The following GPATCH1 variants were observed in gnomAD, a reference collection of about 807,000 sequenced individuals.
The protein encoded by GPATCH1 is G-patch domain containing 1, also known as G patch domain-containing protein 1.
In GPATCH1, 73 loss-of-function variants were observed where a neutral mutation model predicts 114.9. That is an observed-to-expected ratio of 0.64 (90% CI 0.53 to 0.77). The LOEUF is 0.77. Among genes scored for constraint, GPATCH1 ranks in the 30% least tolerant of loss-of-function variants. The pLI, the probability that GPATCH1 is intolerant of heterozygous loss-of-function variation, is 0.00. For synonymous variants in GPATCH1, 391 were observed against 428.4 expected, an observed-to-expected ratio of 0.91 and a Z score of 1.08; for missense variants, 1,058 against 1,144.3, an observed-to-expected ratio of 0.92 and a Z score of 1.09.
At chr19:33,121,316 TTTTC>T (rs1395006084) in intron 17 of GPATCH1, among the ~76,000 whole-genome samples, 2,274 of 138,290 alleles carry the variant, frequency 0.016, 68 homozygotes, top group African/African-American at 0.062. Flanking sequence ...TTTTCTTTTC[TTTTC>T]TTTTTTTTTT....
At position 33,093,406 on chromosome 19, in the gene GPATCH1, C is replaced by T. The variant is rs769355754; in HGVS notation, c.342C>T (p.Asp114=). 40 of 1,612,998 alleles carry T rather than the reference C, an allele frequency of 2.5e-5. No homozygotes were observed. The highest frequency in any genetic ancestry group is 1.2e-4 in the South Asian group (11 of 91,066). Residue 114 remains aspartate, a synonymous_variant, in exon 4 of 20, where the codon GAC becomes GAT. Transcript: ENST00000170564. The part of the protein sequence containing the change: ...GIAPKAIVTT[D]DFASKTKDRI... ...CACCTAAAGCGATTGTCACCACAGA[C>T]GATTTTGCCTCCAAAACCAAAGACA...
chr19:33,122,353 C>T (rs1192679180), intron 17 of GPATCH1, among the ~76,000 whole-genome samples: 1 of 139,978 alleles, frequency 7.1e-6, no homozygotes, highest in Non-Finnish European at 1.5e-5. Flanking sequence ...GAGACGGAGT[C>T]TCGCTCTGTC....
At chr19:33,093,113 G>A (rs761329220) in intron 3 of GPATCH1, among the ~76,000 whole-genome samples, 11 of 152,104 alleles carry the variant, frequency 7.2e-5, no homozygotes, top group Non-Finnish European at 1.5e-4. Context: ...ACTTGAACCC[G>A]GGAGGCGGAG....
chr19:33,096,309 A>C lies in GPATCH1; in HGVS notation c.715A>C (p.Lys239Gln), dbSNP rs763358398. The change falls in exon 7 of 20, where the codon AAG becomes CAG. Residue 239 changes from lysine to glutamine, a missense_variant. Around this residue, in one of 3 missense-constraint regions of GPATCH1, gnomAD observed 893 missense variants for 977.4 expected, o/e 0.91. Transcript: ENST00000170564. ...AGATAATGTGCATGGTCTAGCTTAC[A>C]AGGGCCTGGATCCCCACCAGGCACT... is the stretch of plus-strand genomic sequence containing the variant. ...PKDNVHGLAY[K>Q]GLDPHQALFG... is the part of the protein sequence containing the mutation. 6.2e-7 allele frequency: 1 copy of C among 1,614,026 alleles called. No homozygotes were observed. Among genetic ancestry groups the C allele is most frequent in the African/African-American group, 1.3e-5 (1 of 74,916 alleles).
At chr19:33,118,116 C>A in intron 16 of GPATCH1, 75 bp downstream of exon 16, 2 of 918,438 alleles carry the variant, frequency 2.2e-6, no homozygotes, top group South Asian at 1.4e-5. Context: ...TCTGTTTACT[C>A]TATAATCTTA....
intron 13 of GPATCH1, 98 bp from the exon 14 acceptor site, chr19:33,113,668 TC>T: frequency 2.1e-6 from 2 of 965,598 alleles, no homozygotes; most frequent in Middle Eastern, 2.2e-4. Flanking sequence ...GACTTTTTAG[TC>T]ATGCAGAAGA....
intron 9 of GPATCH1, among the ~76,000 whole-genome samples, chr19:33,103,632 T>C (rs961322057): frequency 4.6e-5 from 7 of 151,864 alleles, no homozygotes; most frequent in African/African-American, 1.2e-4. Context: ...GCCTGGAAGG[T>C]GGAGGTTGCA....
chr19:33,086,436 G>GAGT (rs1300762815), intron 1 of GPATCH1, among the ~76,000 whole-genome samples: 1 of 152,008 alleles, frequency 6.6e-6, no homozygotes, highest in Non-Finnish European at 1.5e-5. Context: ...CTGAGGCTTA[G>GAGT]AGTGATGAAG....
intron 10 of GPATCH1, among the ~76,000 whole-genome samples, chr19:33,108,701 G>A (rs773725331): frequency 1.3e-5 from 2 of 151,768 alleles, no homozygotes; most frequent in African/African-American, 2.4e-5. Context: ...GGCTTCTTTC[G>A]TGTCTCCACT....
At chr19:33,110,910 A>G (rs1443065416) in intron 11 of GPATCH1, among the ~76,000 whole-genome samples, 4 of 151,422 alleles carry the variant, frequency 2.6e-5, no homozygotes, top group African/African-American at 4.8e-5. Context: ...GCTTTAGCCT[A>G]GGAGTTCAAG....
chr19:33,092,049 C>CT (rs200494204), intron 3 of GPATCH1, among the ~76,000 whole-genome samples: 125 of 145,356 alleles, frequency 8.6e-4, no homozygotes, highest in Admixed American at 2.1e-3. Flanking sequence ...CTTTTCTTTT[C>CT]TTTTTTTTTT....
intron 11 of GPATCH1, among the ~76,000 whole-genome samples, chr19:33,110,969 G>T (rs900901341): frequency 1.1e-4 from 16 of 148,304 alleles, no homozygotes; most frequent in Non-Finnish European, 1.2e-4. Flanking sequence ...AAAAAAAAAA[G>T]ATATATATGT....
chr19:33,087,172 C>A (rs1219167971), intron 1 of GPATCH1, among the ~76,000 whole-genome samples: 1 of 152,186 alleles, frequency 6.6e-6, no homozygotes, highest in Non-Finnish European at 1.5e-5. Context: ...TGAAACTCCA[C>A]TGTGACTCTC....
intron 16 of GPATCH1, 135 bp downstream of exon 16, chr19:33,118,176 ATT>A (rs35859593): frequency 0.019 from 5,255 of 274,138 alleles, no homozygotes; most frequent in Middle Eastern, 0.029. Flanking sequence ...TATGTATATA[ATT>A]TTTTTTTTTT....
Position 33,106,739 on chromosome 19 carries a change from T to G in GPATCH1, c.1125T>G (p.His375Gln). 1 of 1,614,014 alleles carries G rather than the reference T, an allele frequency of 6.2e-7. No homozygotes were observed. ...PELPRDYRPV[H>Q]YFRPMVAATS... ...TGCCAAGAGACTATCGACCAGTGCA[T>G]TATTTCAGACCCATGGTGGCCGCCA... The change falls in exon 10 of 20, where the codon CAT (histidine) becomes CAG (glutamine). Residue 375 changes from histidine (H) to glutamine (Q), a missense_variant. Coordinates refer to ENST00000170564, the MANE Select transcript of GPATCH1 (RefSeq NM_018025.3).
At position 33,093,384 on chromosome 19, in the gene GPATCH1, C is replaced by G; in HGVS notation, c.320C>G (p.Pro107Arg). The change falls in exon 4 of 20, where the codon CCT becomes CGT. Residue 107 changes from proline to arginine, a missense_variant. Coordinates refer to ENST00000170564, the MANE Select transcript of GPATCH1 (RefSeq NM_018025.3). ...GATCTTAGTGAATTTGGGATAGCACCTAAAGCGATTGTCACCACAGACGAT... is the reference window on the plus strand; with the variant it reads ...GATCTTAGTGAATTTGGGATAGCACGTAAAGCGATTGTCACCACAGACGAT... ...EEDLSEFGIA[P>R]KAIVTTDDFA... 6.2e-7 allele frequency: 1 copy of G among 1,612,880 alleles called. No homozygotes were observed. Among genetic ancestry groups the G allele is most frequent in the Non-Finnish European group, 8.5e-7 (1 of 1,179,246 alleles).
At chr19:33,097,984 C>A in intron 8 of GPATCH1, 82 bp downstream of exon 8, 1 of 1,261,206 alleles carries the variant, frequency 7.9e-7, no homozygotes, top group African/African-American at 1.5e-5. Context: ...GATACAGGAG[C>A]ACCAGCCTCT....
intron 1 of GPATCH1, among the ~76,000 whole-genome samples, chr19:33,084,763 C>T (rs1372225335): frequency 2.6e-5 from 4 of 151,704 alleles, no homozygotes; most frequent in Admixed American, 6.6e-5. Flanking sequence ...CAGGTTCAAG[C>T]GATTCTCCTG....
intron 17 of GPATCH1, among the ~76,000 whole-genome samples, chr19:33,119,937 AT>A (rs1972958739): frequency 1.4e-5 from 2 of 144,466 alleles, no homozygotes; most frequent in Non-Finnish European, 3.0e-5. Flanking sequence ...AATTATATAT[AT>A]TTTTATATTT....
Sources: allele counts gnomAD v4.1 joint callset (sites outside exome capture counted in the v4.1 genomes callset), GRCh38; gene constraint gnomAD v4.1.1; regional missense constraint gnomAD v4.1.1; transcripts MANE v1.5; gene names NCBI Gene and HGNC (gene_info 2026-07-23, HGNC 2026-07-21).